MECOM: variants seen among roughly 807,000 people sequenced by gnomAD.
MECOM encodes MDS1 and EVI1 complex locus.
Under a neutral mutation model 116.3 loss-of-function variants are expected in MECOM, and 13 were observed. The ratio of observed to expected loss-of-function variants is 0.11; its 90% CI spans 0.07 to 0.18. MECOM has a LOEUF of 0.18. MECOM is among the 10% of genes least tolerant of loss of function. The probability of loss-of-function intolerance (pLI) is 1.00; values close to 1 mark genes in which losing one functional copy is unlikely to be tolerated. For missense variants in MECOM, 1,299 were observed against 1,509.0 expected, an observed-to-expected ratio of 0.86 and a Z score of 2.31; for synonymous variants, 528 against 535.2, an observed-to-expected ratio of 0.99 and a Z score of 0.19.
chr3:169,202,499 T>G (rs188937025), intron 2 of MECOM, among the ~76,000 whole-genome samples: 1 of 152,188 alleles, frequency 6.6e-6, no homozygotes, highest in Admixed American at 6.6e-5. Flanking sequence ...TGAAACAAAA[T>G]AGACTAAATT....
intron 1 of MECOM, among the ~76,000 whole-genome samples, chr3:169,576,600 T>C (rs370693646): frequency 2.0e-3 from 307 of 152,320 alleles, no homozygotes; most frequent in Non-Finnish European, 3.1e-3. Context: ...TTAATTTATC[T>C]AGTTAAACTT....
chr3:169,432,506 A>G (rs1741809944), intron 1 of MECOM, among the ~76,000 whole-genome samples: 1 of 152,164 alleles, frequency 6.6e-6, no homozygotes, highest in African/African-American at 2.4e-5. Context: ...TCAAAGACTT[A>G]TGAAACAGTA....
At chr3:169,095,047 T>C in intron 13 of MECOM, 29 bp downstream of exon 13, 1 of 1,494,822 alleles carries the variant, frequency 6.7e-7, no homozygotes, top group Non-Finnish European at 8.9e-7. Flanking sequence ...AGAAGTCATC[T>C]TTGACTTATA....
chr3:169,144,886 T>C, intron 2 of MECOM: 1 of 781,780 alleles, frequency 1.3e-6, no homozygotes, highest in East Asian at 2.7e-5. Context: ...ATCTCTGCTG[T>C]ATGCATAACC....
intron 2 of MECOM, among the ~76,000 whole-genome samples, chr3:169,304,489 G>A (rs1213469865): frequency 1.3e-5 from 2 of 152,154 alleles, no homozygotes; most frequent in African/African-American, 4.8e-5. Flanking sequence ...GAATGGTGAT[G>A]AAACACACCA....
intron 2 of MECOM, among the ~76,000 whole-genome samples, chr3:169,329,185 T>C (rs1245929867): frequency 1.3e-5 from 2 of 152,210 alleles, no homozygotes; most frequent in African/African-American, 4.8e-5. Flanking sequence ...TTTTTAAAAT[T>C]AGAGATTCAT....
At chr3:169,552,891 A>G (rs761296415) in intron 1 of MECOM, among the ~76,000 whole-genome samples, 1 of 152,002 alleles carries the variant, frequency 6.6e-6, no homozygotes, top group African/African-American at 2.4e-5. Context: ...TAACTAAATC[A>G]TGATACAGCA....
chr3:169,458,574 C>A (rs371189184), intron 1 of MECOM, among the ~76,000 whole-genome samples: 5 of 152,328 alleles, frequency 3.3e-5, no homozygotes, highest in Admixed American at 6.5e-5. Context: ...ATTTATGCAA[C>A]CTGGGTGCAC....
intron 1 of MECOM, among the ~76,000 whole-genome samples, chr3:169,390,044 C>G (rs978867117): frequency 6.6e-6 from 1 of 152,094 alleles, no homozygotes; most frequent in African/African-American, 2.4e-5. Flanking sequence ...GTCACAAGTC[C>G]TGGCATGGAG....
intron 1 of MECOM, among the ~76,000 whole-genome samples, chr3:169,648,583 G>C (rs1774465449): frequency 6.6e-6 from 1 of 152,246 alleles, no homozygotes. Context: ...CAAAAGTAAA[G>C]ATGTTCAATG....
chr3:169,509,637 C>G (rs1222137976), intron 1 of MECOM, among the ~76,000 whole-genome samples: 5 of 152,188 alleles, frequency 3.3e-5, no homozygotes, highest in African/African-American at 1.2e-4. Flanking sequence ...TGGCTTATAT[C>G]CCTTAGCATA....
At chr3:169,488,636 G>A (rs553677586) in intron 1 of MECOM, among the ~76,000 whole-genome samples, 1 of 151,982 alleles carries the variant, frequency 6.6e-6, no homozygotes, top group Admixed American at 6.6e-5. Flanking sequence ...TAACCACAAA[G>A]AAAGCACAGT....
At chr3:169,288,533 G>T (rs1391246459) in intron 2 of MECOM, among the ~76,000 whole-genome samples, 1 of 152,176 alleles carries the variant, frequency 6.6e-6, no homozygotes, top group African/African-American at 2.4e-5. Flanking sequence ...ATTGGCAGTT[G>T]ATTTGTCCTG....
chr3:169,342,344 C>T (rs73172061), intron 2 of MECOM, among the ~76,000 whole-genome samples: 2,474 of 151,984 alleles, frequency 0.016, 35 homozygotes, highest in Non-Finnish European at 0.026. Flanking sequence ...ATAACTGGAA[C>T]TCAGCTTACC....
intron 2 of MECOM, among the ~76,000 whole-genome samples, chr3:169,266,190 G>A (rs1758277833): frequency 1.3e-5 from 2 of 152,126 alleles, no homozygotes; most frequent in African/African-American, 4.8e-5. Context: ...CTTAGTAAAA[G>A]ACAAATTGAC....
chr3:169,269,057 A>G (rs575500216), intron 2 of MECOM: 1 of 151,880 alleles, frequency 6.6e-6, no homozygotes, highest in Non-Finnish European at 1.5e-5. Context: ...CCTTATGAGA[A>G]CTAGTTTTTG....
intron 2 of MECOM, among the ~76,000 whole-genome samples, chr3:169,358,528 C>CAAAA (rs3980663): frequency 3.8e-5 from 5 of 131,924 alleles, no homozygotes; most frequent in African/African-American, 1.4e-4. Flanking sequence ...TTTAGAGCCA[C>CAAAA]AAAAAAAAAA....
chr3:169,478,656 G>T (rs1024422750), intron 1 of MECOM, among the ~76,000 whole-genome samples: 1 of 152,142 alleles, frequency 6.6e-6, no homozygotes, highest in Admixed American at 6.5e-5. Context: ...ACTTCCCTAA[G>T]GTTGTGTGTA....
At chr3:169,146,440 A>G (rs1358772398) in intron 2 of MECOM, 1 of 1,389,614 alleles carries the variant, frequency 7.2e-7, no homozygotes, top group Non-Finnish European at 9.6e-7. Context: ...AGAAGAGCGC[A>G]AGGAAAAGAG....
Sources: allele counts gnomAD v4.1 joint callset (sites outside exome capture counted in the v4.1 genomes callset), GRCh38; gene constraint gnomAD v4.1.1; transcripts MANE v1.5; gene names NCBI Gene and HGNC (gene_info 2026-07-23, HGNC 2026-07-21).